The following DLC1 variants were observed in gnomAD, a reference collection of about 807,000 sequenced individuals.
DLC1 encodes the protein DLC1 Rho GTPase activating protein, also known as rho GTPase-activating protein 7.
DLC1 carries 54 observed loss-of-function variants against 140.3 expected under a neutral mutation model. The observed-to-expected ratio is 0.38, with a 90% CI of 0.31 to 0.48. The LOEUF is 0.48. Ranked by LOEUF, DLC1 falls within the 20% of genes least tolerant of loss-of-function variation. The pLI is 0.96. For synonymous variants in DLC1, 986 were observed against 728.1 expected (o/e 1.35, Z -5.70); for missense variants, 2,536 against 1,907.0 (o/e 1.33, Z -6.14).
intron 5 of DLC1, among the ~76,000 whole-genome samples, chr8:13,200,799 T>G (rs552417038): frequency 1.3e-5 from 2 of 152,256 alleles, no homozygotes; most frequent in East Asian, 3.9e-4. Flanking sequence ...GGACTCACTA[T>G]GCTGCCCAGG....
chr8:13,193,197 C>A (rs910347257), intron 5 of DLC1, among the ~76,000 whole-genome samples: 1 of 152,144 alleles, frequency 6.6e-6, no homozygotes, highest in Non-Finnish European at 1.5e-5. Flanking sequence ...AATTTCCTTG[C>A]CACAGCTCTT....
rs1176316046 is a variant in DLC1, at chr8:13,135,329, C to T, written c.1349-19672G>A. Among the ~76,000 whole-genome samples, 6 of 151,470 alleles carry T rather than the reference C, an allele frequency of 4.0e-5. No individual in the cohort carries two copies. In the East Asian group the frequency reaches 7.8e-4, roughly 20 times the overall value. On this transcript the variant is annotated intron_variant, in intron 5 of 17. Coordinates refer to ENST00000276297, the MANE Select transcript of DLC1 (RefSeq NM_182643.3). The stretch of plus-strand genomic sequence containing the variant: ...CCGAGTAGCTGGGACTACAGGTGCC[C>T]GCCACCACACCCAGCTAATTTTTTT...
intron 10 of DLC1, among the ~76,000 whole-genome samples, chr8:13,096,651 T>G (rs902296114): frequency 1.1e-4 from 16 of 151,706 alleles, no homozygotes; most frequent in Non-Finnish European, 2.1e-4. Flanking sequence ...ACAAACAACT[T>G]CTGTATTTAG....
chr8:13,100,362 T>C lies in DLC1; in HGVS notation c.1975A>G (p.Thr659Ala). Residue 659 changes from threonine to alanine, a missense_variant, in exon 9 of 18, where the codon ACT becomes GCT. By Grantham distance (58) the Thr-to-Ala change is moderately conservative. Coordinates refer to ENST00000276297, the MANE Select transcript of DLC1 (RefSeq NM_182643.3). ...AGACTGCGCGTCTTGGACTTGGCAG[T>C]TTTTTCGTGGCCTTTCATGCTGAAG... ...FSFSMKGHEK[T>A]AKSKTRSLLK... 9 of 1,614,176 alleles carry C rather than the reference T, an allele frequency of 5.6e-6. 1 individual carries two copies. The South Asian group carries it at 8.8e-5, about 16-fold the overall frequency.
At chr8:13,341,877 C>T (rs911889817) in intron 4 of DLC1, 7 of 152,098 alleles carry the variant, frequency 4.6e-5, no homozygotes, top group Non-Finnish European at 1.0e-4. Context: ...TCTCTAATCA[C>T]CGGTGAACAT....
At chr8:13,422,352 A>T (rs1838353929) in intron 2 of DLC1, among the ~76,000 whole-genome samples, 1 of 152,042 alleles carries the variant, frequency 6.6e-6, no homozygotes, top group Non-Finnish European at 1.5e-5. Context: ...GAACCAGACC[A>T]CAAAGTAGTA....
intron 1 of DLC1, among the ~76,000 whole-genome samples, chr8:13,591,941 A>G (rs1471975326): frequency 6.6e-6 from 1 of 152,070 alleles, no homozygotes; most frequent in African/African-American, 2.4e-5. Flanking sequence ...TACCTTGGAT[A>G]TTCTTGTGGA....
intron 5 of DLC1, among the ~76,000 whole-genome samples, chr8:13,178,665 A>G (rs1456742196): frequency 6.9e-6 from 1 of 145,910 alleles, no homozygotes; most frequent in Non-Finnish European, 1.5e-5. Flanking sequence ...TTTTTTTTGC[A>G]AAACATATAA....
rs559138459 is a variant in DLC1 at position 13,324,915 on chromosome 8, C to T, written c.1315-19613G>A. Among the ~76,000 whole-genome samples the T allele has an allele frequency of 5.2e-4, 79 of 152,180 alleles. 1 individual carries two copies. The highest frequency in any genetic ancestry group is 1.8e-3 in the African/African-American group (73 of 41,532). ...TGGAGATTAAATAGACTTTTGACAA[C>T]ACTTTGGTGATACTGTGCAAAAATC... On this transcript the variant is annotated intron_variant, in intron 4 of 17. Coordinates refer to ENST00000276297, the MANE Select transcript of DLC1 (RefSeq NM_182643.3).
chr8:13,502,306 C>G (rs1249737870), intron 1 of DLC1, among the ~76,000 whole-genome samples: 1 of 152,138 alleles, frequency 6.6e-6, no homozygotes, highest in East Asian at 1.9e-4. Flanking sequence ...GCTTTCATTT[C>G]TAATCTAGGT....
At chr8:13,344,191 C>T (rs1051788216) in intron 4 of DLC1, among the ~76,000 whole-genome samples, 2 of 152,186 alleles carry the variant, frequency 1.3e-5, no homozygotes, top group Non-Finnish European at 2.9e-5. Context: ...ATAGTTCCTA[C>T]CTTTAAAATA....
At chr8:13,270,380 G>A (rs1480348373) in intron 5 of DLC1, among the ~76,000 whole-genome samples, 1 of 152,194 alleles carries the variant, frequency 6.6e-6, no homozygotes, top group African/African-American at 2.4e-5. Context: ...TCCCTTTCAA[G>A]TGGCAGCCTT....
intron 1 of DLC1, among the ~76,000 whole-genome samples, chr8:13,559,996 T>C (rs1044331428): frequency 6.6e-6 from 1 of 152,206 alleles, no homozygotes; most frequent in Non-Finnish European, 1.5e-5. Context: ...CAGCTATCTA[T>C]TGGACTAGCG....
intron 10 of DLC1, among the ~76,000 whole-genome samples, chr8:13,096,536 G>C (rs761763595): frequency 6.6e-6 from 1 of 152,038 alleles, no homozygotes; most frequent in Non-Finnish European, 1.5e-5. Flanking sequence ...TTTGTCGGGG[G>C]AGAAAAGCCC....
chr8:13,341,191 T>C (rs527277293), intron 4 of DLC1: 1 of 152,180 alleles, frequency 6.6e-6, no homozygotes, highest in African/African-American at 2.4e-5. Context: ...AACAAATGCA[T>C]AACAAAGACA....
At chr8:13,360,046 A>G (rs1388531659) in intron 4 of DLC1, among the ~76,000 whole-genome samples, 1 of 152,194 alleles carries the variant, frequency 6.6e-6, no homozygotes, top group Non-Finnish European at 1.5e-5. Context: ...AGCTTTCCAC[A>G]CAACTGGGTA....
chr8:13,162,528 G>C (rs751148697), intron 5 of DLC1, among the ~76,000 whole-genome samples: 1 of 152,152 alleles, frequency 6.6e-6, no homozygotes, highest in South Asian at 2.1e-4. Context: ...TCACCATGTT[G>C]GCCAGGCTGG....
chr8:13,477,951 C>A (rs1463280339), intron 2 of DLC1, among the ~76,000 whole-genome samples: 1 of 152,096 alleles, frequency 6.6e-6, no homozygotes, highest in East Asian at 1.9e-4. Flanking sequence ...AAGAGAATCC[C>A]TGTAATTAGT....
At chr8:13,248,360 T>C (rs1829853812) in intron 5 of DLC1, among the ~76,000 whole-genome samples, 1 of 152,070 alleles carries the variant, frequency 6.6e-6, no homozygotes, top group African/African-American at 2.4e-5. Flanking sequence ...CCATATTCTA[T>C]TAGGTTAGTT....
Sources: allele counts gnomAD v4.1 joint callset (sites outside exome capture counted in the v4.1 genomes callset), GRCh38; gene constraint gnomAD v4.1.1; transcripts MANE v1.5; gene names NCBI Gene and HGNC (gene_info 2026-07-23, HGNC 2026-07-21).